Variants in NDRG1 observed in about 807,000 individuals in gnomAD.
The protein encoded by NDRG1 is protein NDRG1.
A neutral mutation model predicts 56.9 loss-of-function variants in NDRG1; 32 were observed. That is an observed-to-expected ratio of 0.56 (90% CI 0.42 to 0.76). The LOEUF (loss-of-function observed/expected upper bound fraction) is 0.76, where lower values mean the gene tolerates loss of function less well. Ranked by LOEUF, NDRG1 falls within the 30% of genes least tolerant of loss-of-function variation. The probability of loss-of-function intolerance (pLI) is 0.00; values close to 1 mark genes in which losing one functional copy is unlikely to be tolerated. For synonymous variants in NDRG1, 211 were observed against 204.1 expected (o/e 1.03, Z -0.29); for missense variants, 507 against 545.7 (o/e 0.93, Z 0.71).
chr8:133,284,861 A>G (rs887167637), intron 1 of NDRG1: 6 of 456,496 alleles, frequency 1.3e-5, no homozygotes, highest in Non-Finnish European at 2.6e-5. Flanking sequence ...GTGAACACAC[A>G]TACACACCCC....
At chr8:133,270,256 A>G (rs1857125581) in intron 3 of NDRG1, among the ~76,000 whole-genome samples, 1 of 152,238 alleles carries the variant, frequency 6.6e-6, no homozygotes, top group South Asian at 2.1e-4. Flanking sequence ...CAAGTGGGGA[A>G]ACAGGACCTA....
At chr8:133,285,609 G>A (rs759184382) in intron 1 of NDRG1, among the ~76,000 whole-genome samples, 7 of 152,160 alleles carry the variant, frequency 4.6e-5, no homozygotes, top group Admixed American at 2.6e-4. Context: ...GGGCCACCCC[G>A]AATCCACCCC....
intron 8 of NDRG1, chr8:133,255,459 A>G: frequency 4.5e-6 from 2 of 448,454 alleles, no homozygotes; most frequent in Non-Finnish European, 9.0e-6. Context: ...AGGGAATAGT[A>G]CAGCTATTAA....
chr8:133,293,051 GCTTACGCCCCAC>G (rs1356156632), intron 1 of NDRG1, among the ~76,000 whole-genome samples: 1 of 152,154 alleles, frequency 6.6e-6, no homozygotes, highest in Non-Finnish European at 1.5e-5. Flanking sequence ...TAGTGCTGGG[GCTTACGCCCCAC>G]CCGAGGGAGC....
chr8:133,248,644 C>G, intron 11 of NDRG1, 71 bp downstream of exon 11: 1 of 1,563,646 alleles, frequency 6.4e-7, no homozygotes, highest in Middle Eastern at 1.7e-4. Flanking sequence ...GAAAGAAGGC[C>G]CTGCCAGCAA....
intron 2 of NDRG1, among the ~76,000 whole-genome samples, chr8:133,282,213 C>T (rs992330520): frequency 1.2e-4 from 18 of 152,176 alleles, no homozygotes; most frequent in African/African-American, 4.3e-4. Flanking sequence ...ATGCATTTAC[C>T]CTTGGACCCA....
intron 1 of NDRG1, among the ~76,000 whole-genome samples, chr8:133,286,625 G>C (rs1858128981): frequency 6.6e-6 from 1 of 152,184 alleles, no homozygotes; most frequent in Non-Finnish European, 1.5e-5. Context: ...GGCCTTCTCT[G>C]ACCCAGCCCC....
Position 133,238,563 on chromosome 8 carries a change from C to A in NDRG1, c.*315G>T. The A allele has an allele frequency of 2.2e-6, 1 of 462,316 alleles. No homozygotes were observed. The highest frequency in any genetic ancestry group is 3.9e-6 in the Non-Finnish European group (1 of 258,264). 28.6% of individuals were successfully genotyped at this position (462,316 alleles called of 1,614,324 possible). A position where few individuals can be genotyped will look rare whatever the true frequency, so the allele number is the denominator to read the frequency against. On this transcript the variant is annotated 3_prime_UTR_variant, in exon 16 of 16. Coordinates refer to ENST00000323851, the MANE Select transcript of NDRG1 (RefSeq NM_006096.4). ...TAGGCTTGGCTTTGTGAAGTGTGTG[C>A]TGCTACGCGTCTTGTTTTTGGCAGT...
chr8:133,273,210 T>A (rs1353972016), intron 3 of NDRG1, among the ~76,000 whole-genome samples: 3 of 151,992 alleles, frequency 2.0e-5, no homozygotes, highest in Admixed American at 2.0e-4. Context: ...AATCTAACCA[T>A]CTGAATAACT....
At chr8:133,265,268 T>C (rs1856858937) in intron 3 of NDRG1, among the ~76,000 whole-genome samples, 1 of 152,208 alleles carries the variant, frequency 6.6e-6, no homozygotes, top group Non-Finnish European at 1.5e-5. Flanking sequence ...TAAAGCCAGC[T>C]GCACTTATTT....
Position 133,259,188 on chromosome 8 carries a change from AG to A in NDRG1, c.368del (p.Pro123LeufsTer9), listed in dbSNP as rs2130727371. 1 of 1,614,256 alleles carries A rather than the reference AG, an allele frequency of 6.2e-7. No individual in the cohort carries two copies. The highest frequency in any genetic ancestry group is 8.5e-7 in the Non-Finnish European group (1 of 1,180,044). ...CTTACCCAAACTGTTGAAGGACTCC[AG>A]GAAGCATTTCAGCCAGCTGATCCAT... ...PSMDQLAEML[P>X]GVLQQFGLKS... On this transcript the variant is annotated frameshift_variant, in exon 6 of 16. Transcript: ENST00000323851. LOFTEE classifies it high-confidence loss of function.
At chr8:133,259,115 C>T (rs901998835) in intron 6 of NDRG1, 53 bp downstream of exon 6, 55 of 1,583,604 alleles carry the variant, frequency 3.5e-5, no homozygotes, top group Non-Finnish European at 1.6e-5. Flanking sequence ...CAGGAAGATG[C>T]TAGAAACCAG....
intron 7 of NDRG1, 62 bp from the exon 8 acceptor site, chr8:133,256,925 C>A: frequency 6.7e-7 from 1 of 1,489,010 alleles, no homozygotes; most frequent in Non-Finnish European, 9.3e-7. Flanking sequence ...AGGAACTTTC[C>A]AAGGCAAACC....
At chr8:133,290,468 G>A (rs575309263) in intron 1 of NDRG1, among the ~76,000 whole-genome samples, 1 of 152,286 alleles carries the variant, frequency 6.6e-6, no homozygotes, top group South Asian at 2.1e-4. Context: ...GCATCAAGAG[G>A]TTAAGATGTG....
At chr8:133,249,994 C>G (rs76885495) in intron 10 of NDRG1, among the ~76,000 whole-genome samples, 1 of 152,180 alleles carries the variant, frequency 6.6e-6, no homozygotes, top group East Asian at 1.9e-4. Flanking sequence ...GAGAGGGCCA[C>G]GCCTTAGGCA....
intron 3 of NDRG1, among the ~76,000 whole-genome samples, chr8:133,279,622 C>T (rs1277724235): frequency 6.6e-6 from 1 of 152,208 alleles, no homozygotes; most frequent in Non-Finnish European, 1.5e-5. Context: ...AGGCTTTCTG[C>T]CCCACCCTCC....
intron 2 of NDRG1, 68 bp downstream of exon 2, chr8:133,284,181 C>T (rs1054734466): frequency 1.7e-5 from 24 of 1,450,766 alleles, no homozygotes; most frequent in South Asian, 1.1e-4. Context: ...GTGTGAGCTC[C>T]GGTGTGCCTG....
At chr8:133,276,492 C>T (rs1191488239) in intron 3 of NDRG1, among the ~76,000 whole-genome samples, 2 of 152,166 alleles carry the variant, frequency 1.3e-5, no homozygotes, top group East Asian at 1.9e-4. Context: ...CCCCACGTGT[C>T]GTGGGAGGGA....
rs911067318 is a variant in NDRG1 at position 133,297,190 on chromosome 8, G to C, written c.-75C>G. On this transcript the variant is annotated 5_prime_UTR_variant, in exon 1 of 16. Coordinates refer to ENST00000323851, the MANE Select transcript of NDRG1 (RefSeq NM_006096.4). ...CGAGGCTGGCGGCCCAGCGCCCCGC[G>C]GAAGCCGAGGGCGGATGGTGAACTG... is the stretch of plus-strand genomic sequence containing the variant. 6.6e-6 allele frequency: 1 copy of C among 152,368 alleles called. No individual in the cohort carries two copies. The highest frequency in any genetic ancestry group is 2.1e-4 in the South Asian group (1 of 4,838). The allele number at this position is 152,368 out of a possible 1,614,324, so 9.4% of individuals were successfully genotyped here. A position where few individuals can be genotyped will look rare whatever the true frequency, so the allele number is the denominator to read the frequency against.
Sources: allele counts gnomAD v4.1 joint callset (sites outside exome capture counted in the v4.1 genomes callset), GRCh38; gene constraint gnomAD v4.1.1; transcripts MANE v1.5; gene names NCBI Gene and HGNC (gene_info 2026-07-23, HGNC 2026-07-21).